ADGRL3: variants seen among roughly 807,000 people sequenced by gnomAD.
ADGRL3 encodes adhesion G protein-coupled receptor L3, also known as calcium-independent alpha-latrotoxin receptor 3.
In ADGRL3, 62 loss-of-function variants were observed where a neutral mutation model predicts 153.5. The observed-to-expected ratio is 0.40, with a 90% CI of 0.33 to 0.50. The LOEUF (loss-of-function observed/expected upper bound fraction) is 0.50. Among genes scored for constraint, ADGRL3 ranks in the 20% least tolerant of loss-of-function variants. ADGRL3 has a pLI of 0.47. For synonymous variants in ADGRL3, 710 were observed against 672.5 expected (o/e 1.06, Z -0.86); for missense variants, 1,641 against 1,859.4 (o/e 0.88, Z 2.16).
chr4:61,991,569 C>G (rs1581776937), intron 19 of ADGRL3, among the ~76,000 whole-genome samples: 1 of 151,918 alleles, frequency 6.6e-6, no homozygotes, highest in South Asian at 2.1e-4. Context: ...ATTCTAAGAT[C>G]CAAAACTGTA....
At chr4:61,376,150 T>A (rs2096600056) in intron 1 of ADGRL3, among the ~76,000 whole-genome samples, 1 of 152,176 alleles carries the variant, frequency 6.6e-6, no homozygotes, top group African/African-American at 2.4e-5. Context: ...TAAATGTGTG[T>A]ACTGTTTAAC....
intron 16 of ADGRL3, among the ~76,000 whole-genome samples, chr4:61,947,802 A>T (rs995731738): frequency 6.6e-6 from 1 of 152,232 alleles, no homozygotes; most frequent in African/African-American, 2.4e-5. Context: ...AAGAGCAATT[A>T]ACCTCTTTAT....
At chr4:61,484,626 G>A (rs1017575918) in intron 2 of ADGRL3, among the ~76,000 whole-genome samples, 23 of 152,044 alleles carry the variant, frequency 1.5e-4, no homozygotes, top group Non-Finnish European at 2.5e-4. Flanking sequence ...TGTCATCAGC[G>A]TATTAGCACC....
chr4:61,288,847 A>G (rs1378528976), intron 1 of ADGRL3, among the ~76,000 whole-genome samples: 2 of 151,950 alleles, frequency 1.3e-5, no homozygotes, highest in Non-Finnish European at 2.9e-5. Context: ...AGCGGTTCTA[A>G]ATTTTTAGGA....
At chr4:61,735,449 A>T (rs2096495902) in intron 8 of ADGRL3, among the ~76,000 whole-genome samples, 1 of 152,202 alleles carries the variant, frequency 6.6e-6, no homozygotes, top group East Asian at 1.9e-4. Context: ...TGTCTGACTC[A>T]CCGCTGTACA....
At chr4:61,747,701 C>T (rs1375602439) in intron 8 of ADGRL3, among the ~76,000 whole-genome samples, 17 of 146,720 alleles carry the variant, frequency 1.2e-4, no homozygotes, top group East Asian at 4.1e-4. Context: ...ATTGATGGGA[C>T]GTATCTCAAA....
intron 2 of ADGRL3, among the ~76,000 whole-genome samples, chr4:61,422,086 A>C (rs2097214024): frequency 6.6e-6 from 1 of 152,148 alleles, no homozygotes; most frequent in South Asian, 2.1e-4. Context: ...AAAATTGTCC[A>C]ATCAAAGATG....
chr4:61,242,799 A>C (rs2149342902), intron 1 of ADGRL3, among the ~76,000 whole-genome samples: 1 of 152,226 alleles, frequency 6.6e-6, no homozygotes, highest in South Asian at 2.1e-4. Context: ...TCGTTTTTAC[A>C]GACTGTCGTT....
intron 13 of ADGRL3, among the ~76,000 whole-genome samples, chr4:61,922,774 AAC>A (rs763735327): frequency 1.2e-4 from 18 of 152,240 alleles, no homozygotes; most frequent in Non-Finnish European, 1.8e-4. Flanking sequence ...TTCACGGGTG[AAC>A]ACAGAGTTTC....
At chr4:61,592,700 A>G (rs564951267) in intron 5 of ADGRL3, among the ~76,000 whole-genome samples, 5 of 152,192 alleles carry the variant, frequency 3.3e-5, no homozygotes, top group African/African-American at 1.2e-4. Context: ...ATGTCTGCTA[A>G]ATTACTTTCA....
intron 1 of ADGRL3, among the ~76,000 whole-genome samples, chr4:61,245,290 G>C (rs1756608221): frequency 6.6e-6 from 1 of 152,012 alleles, no homozygotes; most frequent in African/African-American, 2.4e-5. Context: ...TGTCTCCCAG[G>C]CAGCTCCCTT....
intron 1 of ADGRL3, among the ~76,000 whole-genome samples, chr4:61,262,638 G>C (rs1016344468): frequency 6.6e-6 from 1 of 151,516 alleles, no homozygotes. Context: ...TATCTTAATC[G>C]TATTTATTCT....
chr4:61,984,855 C>T (rs1377877674), intron 19 of ADGRL3, among the ~76,000 whole-genome samples: 1 of 151,812 alleles, frequency 6.6e-6, no homozygotes, highest in Non-Finnish European at 1.5e-5. Flanking sequence ...GTAGTAAGAG[C>T]GTTATTTACA....
chr4:61,309,604 G>T (rs2094924338), intron 1 of ADGRL3, among the ~76,000 whole-genome samples: 3 of 152,046 alleles, frequency 2.0e-5, no homozygotes, highest in South Asian at 4.1e-4. Context: ...CTTTAAAGAG[G>T]TTGGAAGGAA....
chr4:61,564,765 C>T (rs2149034088), intron 4 of ADGRL3, among the ~76,000 whole-genome samples: 1 of 152,232 alleles, frequency 6.6e-6, no homozygotes, highest in South Asian at 2.1e-4. Context: ...CTCTTCCTTT[C>T]AATTAAATAC....
chr4:61,764,404 C>T (rs908686513), intron 8 of ADGRL3, among the ~76,000 whole-genome samples: 69 of 125,170 alleles, frequency 5.5e-4, no homozygotes, highest in African/African-American at 1.7e-3. Context: ...TGTTCTCTGG[C>T]GGGTAGGAGT....
At chr4:61,241,038 T>C (rs557038997) in intron 1 of ADGRL3, among the ~76,000 whole-genome samples, 1 of 152,176 alleles carries the variant, frequency 6.6e-6, no homozygotes, top group African/African-American at 2.4e-5. Flanking sequence ...TGTTGTTATA[T>C]TCATTTTTAG....
At chr4:61,681,702 A>G (rs923513408) in intron 6 of ADGRL3, among the ~76,000 whole-genome samples, 3 of 152,090 alleles carry the variant, frequency 2.0e-5, no homozygotes, top group Non-Finnish European at 4.4e-5. Flanking sequence ...CACGTTTAGC[A>G]TTTAAAACAA....
intron 8 of ADGRL3, among the ~76,000 whole-genome samples, chr4:61,768,088 G>A (rs1342550882): frequency 6.6e-6 from 1 of 152,074 alleles, no homozygotes; most frequent in Non-Finnish European, 1.5e-5. Context: ...GAACTGGGCT[G>A]GATTTTTATA....
Sources: allele counts gnomAD v4.1 joint callset (sites outside exome capture counted in the v4.1 genomes callset), GRCh38; gene constraint gnomAD v4.1.1; transcripts MANE v1.5; gene names NCBI Gene and HGNC (gene_info 2026-07-23, HGNC 2026-07-21).